Variants in ICA1 observed in about 807,000 individuals in gnomAD.
ICA1 encodes the protein islet cell autoantigen 1.
Under a neutral mutation model 71.0 loss-of-function variants are expected in ICA1, and 40 were observed. That is an observed-to-expected ratio of 0.56 (90% CI 0.44 to 0.73). The LOEUF (loss-of-function observed/expected upper bound fraction) is 0.73, where lower values mean the gene tolerates loss of function less well. ICA1 is among the 30% of genes least tolerant of loss of function. The probability of loss-of-function intolerance (pLI) is 0.00; values close to 1 mark genes in which losing one functional copy is unlikely to be tolerated. For missense variants in ICA1, 578 were observed against 576.5 expected, an observed-to-expected ratio of 1.00 and a Z score of -0.03; for synonymous variants, 207 against 209.5, an observed-to-expected ratio of 0.99 and a Z score of 0.10.
chr7:8,236,080 C>T (rs1042954844), intron 1 of ICA1, 75 bp from the exon 2 acceptor site: 8 of 782,744 alleles, frequency 1.0e-5, no homozygotes, highest in African/African-American at 1.8e-5. Context: ...ACATAAAAGC[C>T]TTCAACCTAA....
chr7:8,193,663 C>A (rs1230143747), intron 6 of ICA1, among the ~76,000 whole-genome samples: 1 of 152,074 alleles, frequency 6.6e-6, no homozygotes, highest in Non-Finnish European at 1.5e-5. Flanking sequence ...TCTGCCATTG[C>A]GTGATATCAT....
chr7:8,113,617 A>G lies in ICA1; in HGVS notation c.*306T>C, dbSNP rs953026155. 8.7e-6 allele frequency: 2 copies of G among 229,434 alleles called. No individual in the cohort carries two copies. The highest frequency in any genetic ancestry group is 1.7e-5 in the Non-Finnish European group (2 of 114,456). The allele number at this position is 229,434 out of a possible 1,614,324, so 14.2% of individuals were successfully genotyped here. On this transcript the variant is annotated 3_prime_UTR_variant, in exon 14 of 14. Transcript: ENST00000402384. This position sits in a 1 kb window ranked among gnomAD's most constrained non-coding sequence, Gnocchi z 4.2. Reference sequence around the variant, plus strand: ...CCATCAAAGTAGGCTTCTGATTTCAACTTGGATCTCACGGTAGCCCAGTGA... The same window carrying G: ...CCATCAAAGTAGGCTTCTGATTTCAGCTTGGATCTCACGGTAGCCCAGTGA...
intron 1 of ICA1, among the ~76,000 whole-genome samples, chr7:8,260,096 C>A (rs938203048): frequency 1.3e-5 from 2 of 152,104 alleles, no homozygotes; most frequent in African/African-American, 2.4e-5. Flanking sequence ...ACACTTGGGG[C>A]CTGTTAACTT....
At position 8,169,134 on chromosome 7, in the gene ICA1, G is replaced by A. The variant is rs537737475; in HGVS notation, c.580-10482C>T. 6.6e-5 allele frequency among the ~76,000 whole-genome samples: 10 copies of A among 152,090 alleles called. No individual in the cohort carries two copies. In the South Asian group the frequency reaches 2.1e-3, roughly 31 times the overall value. On this transcript the variant is annotated intron_variant, in intron 6 of 13. Transcript: ENST00000402384. Reference sequence around the variant, plus strand: ...CAAGTAGTCTATAGTCTTTTTTTGTGGCTGGATTCTTTCACTCAGCACAAT... The same window carrying A: ...CAAGTAGTCTATAGTCTTTTTTTGTAGCTGGATTCTTTCACTCAGCACAAT...
At chr7:8,145,746 G>GTATATATATATATA (rs199855161) in intron 8 of ICA1, among the ~76,000 whole-genome samples, 18 of 33,512 alleles carry the variant, frequency 5.4e-4, no homozygotes, top group Admixed American at 4.7e-3. Flanking sequence ...TGGAATCATT[G>GTATATATATATATA]TGTATATATA....
intron 6 of ICA1, among the ~76,000 whole-genome samples, chr7:8,169,507 A>C (rs1428985045): frequency 1.3e-5 from 2 of 152,120 alleles, no homozygotes; most frequent in African/African-American, 2.4e-5. Context: ...TATTTGCTCC[A>C]CATCCTCATT....
At chr7:8,247,125 G>A (rs939412481) in intron 1 of ICA1, among the ~76,000 whole-genome samples, 5 of 149,978 alleles carry the variant, frequency 3.3e-5, no homozygotes, top group South Asian at 2.1e-4. Flanking sequence ...TACAGCAATC[G>A]TCCCACTTGT....
intron 6 of ICA1, among the ~76,000 whole-genome samples, chr7:8,206,298 C>G (rs1791518520): frequency 6.6e-6 from 1 of 152,106 alleles, no homozygotes; most frequent in Non-Finnish European, 1.5e-5. Flanking sequence ...CCTCACATGG[C>G]TCTCCCTGCT....
At chr7:8,254,965 C>G (rs556701350) in intron 1 of ICA1, among the ~76,000 whole-genome samples, 3 of 152,106 alleles carry the variant, frequency 2.0e-5, no homozygotes, top group African/African-American at 7.2e-5. Context: ...CTTGGCACTG[C>G]GCTGGGCACC....
intron 1 of ICA1, among the ~76,000 whole-genome samples, chr7:8,256,326 T>G (rs75443767): frequency 0.059 from 9,049 of 152,170 alleles, 849 homozygotes; most frequent in African/African-American, 0.21. Context: ...AAACATTTTT[T>G]GAAAAAACAC....
At chr7:8,212,018 A>G (rs1442183128) in intron 6 of ICA1, among the ~76,000 whole-genome samples, 5 of 152,190 alleles carry the variant, frequency 3.3e-5, no homozygotes, top group African/African-American at 1.2e-4. Flanking sequence ...TAAATAAGAG[A>G]AAAATATTAC....
At chr7:8,181,428 G>T (rs981916618) in intron 6 of ICA1, among the ~76,000 whole-genome samples, 1 of 151,958 alleles carries the variant, frequency 6.6e-6, no homozygotes, top group Non-Finnish European at 1.5e-5. Flanking sequence ...CTCTATCTTT[G>T]TTCTTACTTT....
At position 8,157,415 on chromosome 7, in the gene ICA1, C is replaced by T. The variant is rs370611037; in HGVS notation, c.706-201G>A. ...CTCCCTGTTTCCCCAAATGCTGCCT[C>T]CCAGAACTCATGCTGCTCCCACCAC... On this transcript the variant is annotated intron_variant, in intron 7 of 13. Coordinates refer to ENST00000402384, the MANE Select transcript of ICA1 (RefSeq NM_001136020.3). 24 of 555,780 alleles carry T rather than the reference C, an allele frequency of 4.3e-5. No homozygotes were observed. The East Asian group carries it at 5.2e-4, about 12-fold the overall frequency. The allele number at this position is 555,780 out of a possible 1,614,324, so 34.4% of individuals were successfully genotyped here.
chr7:8,253,579 C>G lies in ICA1; in HGVS notation c.-80+8515G>C, dbSNP rs542830026. On this transcript the variant is annotated intron_variant, in intron 1 of 13. Coordinates refer to ENST00000402384, the MANE Select transcript of ICA1 (RefSeq NM_001136020.3). ...CACCTATACACCAGTTTTTTTCAAC[C>G]AAAGGCAAATAGAAAATATATCTTC... Among the ~76,000 whole-genome samples, 4 of 152,064 alleles carry G rather than the reference C, an allele frequency of 2.6e-5. No individual in the cohort carries two copies. In the South Asian group the frequency reaches 8.3e-4, roughly 32 times the overall value.
intron 5 of ICA1, chr7:8,219,049 G>C (rs977010933): frequency 1.2e-5 from 2 of 169,890 alleles, no homozygotes; most frequent in Non-Finnish European, 2.6e-5. Flanking sequence ...AGGCTGTCGT[G>C]TGTTAGCACT....
At chr7:8,227,757 T>C in intron 4 of ICA1, 1 of 410,628 alleles carries the variant, frequency 2.4e-6, no homozygotes, top group South Asian at 1.7e-5. Flanking sequence ...TTAAGTGTTT[T>C]TATTTTTTGT....
chr7:8,139,537 T>C (rs1482556891), intron 10 of ICA1, among the ~76,000 whole-genome samples: 2 of 152,162 alleles, frequency 1.3e-5, no homozygotes, highest in East Asian at 1.9e-4. Flanking sequence ...GGATGAATAG[T>C]GGAGGACACA....
At chr7:8,126,229 G>A (rs1392852693) in intron 13 of ICA1, among the ~76,000 whole-genome samples, 5 of 152,154 alleles carry the variant, frequency 3.3e-5, no homozygotes, top group African/African-American at 1.2e-4. Flanking sequence ...GGTTCGTTCT[G>A]CAACACTGCT....
chr7:8,124,296 T>G (rs561366816), intron 13 of ICA1, among the ~76,000 whole-genome samples: 1 of 150,656 alleles, frequency 6.6e-6, no homozygotes, highest in Non-Finnish European at 1.5e-5. Flanking sequence ...AATTTTTGTA[T>G]TTTTAGTAGA....
Sources: gnomAD v4.1 joint callset for allele counts (sites outside exome capture counted in the v4.1 genomes callset) on GRCh38, gnomAD v4.1.1 for gene constraint, Gnocchi (gnomAD v3.1) non-coding constraint, MANE v1.5 for transcripts, NCBI Gene and HGNC (gene_info 2026-07-23, HGNC 2026-07-21) for gene names.